SMOX: variants seen among roughly 807,000 people sequenced by gnomAD.
SMOX encodes spermine oxidase, also known as flavin containing amine oxidase.
SMOX carries 22 observed loss-of-function variants against 51.0 expected under a neutral mutation model. The observed-to-expected ratio is 0.43, with a 90% CI of 0.31 to 0.62. SMOX has a LOEUF of 0.62. Ranked by LOEUF, SMOX falls within the 20% of genes least tolerant of loss-of-function variation. The probability of loss-of-function intolerance (pLI) is 0.10; values close to 1 mark genes in which losing one functional copy is unlikely to be tolerated. For missense variants in SMOX, 566 were observed against 777.7 expected (o/e 0.73, Z 3.24); for synonymous variants, 282 against 307.8 (o/e 0.92, Z 0.88).
Position 4,178,316 on chromosome 20 carries a change from C to T in SMOX, c.435+739C>T, listed in dbSNP as rs868251854. Among the ~76,000 whole-genome samples the T allele has an allele frequency of 4.5e-4, 68 of 152,250 alleles. 1 individual carries two copies. Among genetic ancestry groups the T allele is most frequent in the African/African-American group, 1.5e-3 (62 of 41,536 alleles). On this transcript the variant is annotated intron_variant, in intron 3 of 6. Transcript: ENST00000305958. ...CCTCCCAAAGTGCTGGGATTATAGG[C>T]GTGAGCCACTGCACCCGGCCTAATT...
intron 1 of SMOX, among the ~76,000 whole-genome samples, chr20:4,152,960 C>T (rs866883058): frequency 4.6e-5 from 7 of 152,202 alleles, no homozygotes; most frequent in African/African-American, 1.2e-4. Context: ...TGCTTGAAAT[C>T]GGTCCACTCT....
intron 3 of SMOX, among the ~76,000 whole-genome samples, chr20:4,179,417 G>T (rs371600422): frequency 6.6e-6 from 1 of 152,162 alleles, no homozygotes. Context: ...GATGTTTTGA[G>T]TCAAAAGGAT....
At position 4,177,365 on chromosome 20, in the gene SMOX, G is replaced by A; in HGVS notation, c.223G>A (p.Glu75Lys). The change falls in exon 3 of 7, where the codon GAG (glutamate) becomes AAG (lysine). Residue 75 changes from glutamate (E) to lysine (K), a missense_variant. This residue lies in a region of SMOX where 217 missense variants were observed against 278.4 expected (regional missense o/e 0.78). Coordinates refer to ENST00000305958, the MANE Select transcript of SMOX (RefSeq NM_175839.3). The surrounding 1 kb of genome is among the most constrained non-coding windows in gnomAD (Gnocchi z 4.3). ...QSVKLGHATF[E>K]LGATWIHGSH... is the part of the protein sequence containing the mutation. ...GTCACCCTCAGGACACGCCACCTTT[G>A]AGCTGGGAGCCACCTGGATCCATGG... 1 of 1,552,458 alleles carries A rather than the reference G, an allele frequency of 6.4e-7. No individual in the cohort carries two copies. Among genetic ancestry groups the A allele is most frequent in the Non-Finnish European group, 8.7e-7 (1 of 1,147,400 alleles).
Position 4,149,481 on chromosome 20 carries a change from C to G in SMOX, c.-27+504C>G, listed in dbSNP as rs535423339. Among the ~76,000 whole-genome samples the G allele has an allele frequency of 1.3e-5, 2 of 152,102 alleles. No homozygotes were observed. Among genetic ancestry groups the G allele is most frequent in the Non-Finnish European group, 2.9e-5 (2 of 67,982 alleles). On this transcript the variant is annotated intron_variant, in intron 1 of 6. Coordinates refer to ENST00000305958, the MANE Select transcript of SMOX (RefSeq NM_175839.3). This position sits in a 1 kb window ranked among gnomAD's most constrained non-coding sequence, Gnocchi z 6.0. ...ACGCCAGGAGAGGCTGTGCTGACTT[C>G]CCCCTCTGGGCTCCGGGCGTCCGGG...
In SMOX at chr20:4,163,666, C is replaced by T. The variant is rs142287373; in HGVS notation, c.-26-11364C>T. Reference sequence around the variant, plus strand: ...AGGTTGCAGTCACAGTGTCAGCCAGCGCTGCAGTCATCTGAAGGGAGCAGG... The same window carrying T: ...AGGTTGCAGTCACAGTGTCAGCCAGTGCTGCAGTCATCTGAAGGGAGCAGG... On this transcript the variant is annotated intron_variant, in intron 1 of 6. Coordinates refer to ENST00000305958, the MANE Select transcript of SMOX (RefSeq NM_175839.3). Among the ~76,000 whole-genome samples, 16 of 152,292 alleles carry T rather than the reference C, an allele frequency of 1.1e-4. No homozygotes were observed. The East Asian group carries it at 1.9e-3, about 18-fold the overall frequency.
At position 4,170,642 on chromosome 20, in the gene SMOX, C is replaced by G. The variant is rs1986784393; in HGVS notation, c.-26-4388C>G. On this transcript the variant is annotated intron_variant, in intron 1 of 6. Transcript: ENST00000305958. This position sits in a 1 kb window ranked among gnomAD's most constrained non-coding sequence, Gnocchi z 4.6. ...TGGCAGTTCACACAAACTTTGGTGG[C>G]TCGTGCCCACTCTGGTCACCTGACC... is the stretch of plus-strand genomic sequence containing the variant. 6.6e-6 allele frequency among the ~76,000 whole-genome samples: 1 copy of G among 152,156 alleles called. No individual in the cohort carries two copies. Among genetic ancestry groups the G allele is most frequent in the Non-Finnish European group, 1.5e-5 (1 of 68,026 alleles).
At chr20:4,165,049 G>GTTTTTTTTTTTTTTT (rs781522050) in intron 1 of SMOX, among the ~76,000 whole-genome samples, 2 of 87,330 alleles carry the variant, frequency 2.3e-5, no homozygotes, top group Non-Finnish European at 4.4e-5. Flanking sequence ...TAGCTAAGTT[G>GTTTTTTTTTTTTTTT]TTTTTTTTTT....
At chr20:4,150,656 C>T (rs1985694783) in intron 1 of SMOX, among the ~76,000 whole-genome samples, 2 of 152,130 alleles carry the variant, frequency 1.3e-5, no homozygotes, top group African/African-American at 2.4e-5. Flanking sequence ...ACATCATTCT[C>T]ATGGTTTTAA....
rs1160922309 is a variant in SMOX, at chr20:4,181,959, A to T, written c.592A>T (p.Ile198Phe). Residue 198 changes from isoleucine to phenylalanine, a missense_variant, in exon 4 of 7, where the codon ATC becomes TTC. Ile to Phe is a conservative substitution (Grantham distance 21, BLOSUM62 0). Transcript: ENST00000305958. This position sits in a 1 kb window ranked among gnomAD's most constrained non-coding sequence, Gnocchi z 5.6. ...TACCAAGCGCCTGAAGCTCGCCATG[A>T]TCCAGCAGTACCTGAAGGTATCTTG... ...EATKRLKLAM[I>F]QQYLKVESCE... 1 of 1,614,054 alleles carries T rather than the reference A, an allele frequency of 6.2e-7. No homozygotes were observed. The highest frequency in any genetic ancestry group is 8.5e-7 in the Non-Finnish European group (1 of 1,180,010).
At position 4,187,388 on chromosome 20, in the gene SMOX, T is replaced by A. The variant is rs1428773426; in HGVS notation, c.1649T>A (p.Leu550His). 3 of 1,613,946 alleles carry A rather than the reference T, an allele frequency of 1.9e-6. No individual in the cohort carries two copies. The South Asian group carries it at 3.3e-5, about 18-fold the overall frequency. The change falls in exon 7 of 7, where the codon CTC becomes CAC. Residue 550 changes from leucine (L) to histidine (H), a missense_variant. Around this residue, in one of 3 missense-constraint regions of SMOX, gnomAD observed 347 missense variants for 481.8 expected, o/e 0.72. Coordinates refer to ENST00000305958, the MANE Select transcript of SMOX (RefSeq NM_175839.3). This position sits in a 1 kb window ranked among gnomAD's most constrained non-coding sequence, Gnocchi z 4.8. ...CGCCTCATTGAGATGTACCGAGACC[T>A]CTTCCAGCAGGGGACCTGAGGGCTG... ...AARLIEMYRD[L>H]FQQGT
intron 1 of SMOX, chr20:4,171,846 A>C (rs372644113): frequency 6.6e-6 from 1 of 152,224 alleles, no homozygotes. Context: ...GAGGCCCTTG[A>C]AAATGTTGAC....
At chr20:4,185,334 G>C (rs1979649868) in intron 6 of SMOX, among the ~76,000 whole-genome samples, 1 of 152,158 alleles carries the variant, frequency 6.6e-6, no homozygotes. Context: ...CTCCTTGGTG[G>C]TGGGATTACA....
At position 4,149,194 on chromosome 20, in the gene SMOX, C is replaced by T. The variant is rs974530764; in HGVS notation, c.-27+217C>T. On this transcript the variant is annotated intron_variant, in intron 1 of 6. Coordinates refer to ENST00000305958, the MANE Select transcript of SMOX (RefSeq NM_175839.3). This position sits in a 1 kb window ranked among gnomAD's most constrained non-coding sequence, Gnocchi z 6.0. ...CGGGGAGCAGGGGGCGCCGCGCCCCCCTGGCTTCCGCCGGGGTAAGCAGTG... is the reference window on the plus strand; with the variant it reads ...CGGGGAGCAGGGGGCGCCGCGCCCCTCTGGCTTCCGCCGGGGTAAGCAGTG... 1.1e-4 allele frequency among the ~76,000 whole-genome samples: 17 copies of T among 149,996 alleles called. No homozygotes were observed. The highest frequency in any genetic ancestry group is 6.6e-4 in the Admixed American group (10 of 15,118).
intron 1 of SMOX, among the ~76,000 whole-genome samples, chr20:4,154,606 A>G (rs978418102): frequency 2.0e-5 from 3 of 152,010 alleles, no homozygotes; most frequent in Non-Finnish European, 4.4e-5. Flanking sequence ...CAAGTGACCC[A>G]CCTGCCTCAG....
Position 4,153,415 on chromosome 20 carries a change from G to C in SMOX, c.-27+4438G>C, listed in dbSNP as rs1357356360. ...TGAAAGGAGGAAAGGCTTCCCCTGG[G>C]ATGCCAGGCTGAGGAACTGGGCCAG... On this transcript the variant is annotated intron_variant, in intron 1 of 6. Coordinates refer to ENST00000305958, the MANE Select transcript of SMOX (RefSeq NM_175839.3). This position sits in a 1 kb window ranked among gnomAD's most constrained non-coding sequence, Gnocchi z 4.4. Among the ~76,000 whole-genome samples, 1 of 152,166 alleles carries C rather than the reference G, an allele frequency of 6.6e-6. No homozygotes were observed. The highest frequency in any genetic ancestry group is 6.5e-5 in the Admixed American group (1 of 15,272).
chr20:4,179,020 A>G (rs1979117837), intron 3 of SMOX, among the ~76,000 whole-genome samples: 1 of 152,148 alleles, frequency 6.6e-6, no homozygotes, highest in African/African-American at 2.4e-5. Flanking sequence ...ATGAGAAAGG[A>G]GACATGACCC....
At chr20:4,155,183 T>C (rs979391581) in intron 1 of SMOX, among the ~76,000 whole-genome samples, 3 of 151,780 alleles carry the variant, frequency 2.0e-5, no homozygotes, top group African/African-American at 2.4e-5. Flanking sequence ...GGCCGAGAGA[T>C]TGGGGAAACA....
intron 6 of SMOX, among the ~76,000 whole-genome samples, chr20:4,184,772 A>G (rs1295414656): frequency 2.0e-5 from 3 of 152,222 alleles, no homozygotes; most frequent in African/African-American, 7.2e-5. Flanking sequence ...CTAAAAAGCA[A>G]ATCTTCTCTT....
Position 4,183,246 on chromosome 20 carries a change from CAT to C in SMOX, c.1370-247_1370-246del. 3.4e-6 allele frequency: 2 copies of C among 595,668 alleles called. No homozygotes were observed. Among genetic ancestry groups the C allele is most frequent in the East Asian group, 2.9e-5 (1 of 34,756 alleles). 36.9% of individuals were successfully genotyped at this position (595,668 alleles called of 1,614,324 possible). On this transcript the variant is annotated intron_variant, in intron 5 of 6. Coordinates refer to ENST00000305958, the MANE Select transcript of SMOX (RefSeq NM_175839.3). This position sits in a 1 kb window ranked among gnomAD's most constrained non-coding sequence, Gnocchi z 4.3. Reference sequence around the variant, plus strand: ...TAGGCGGGGAAACATGATTATGTGTCATGTGTTTTCAGATAGATAGGAAAAGT... The same window carrying C: ...TAGGCGGGGAAACATGATTATGTGTCGTGTTTTCAGATAGATAGGAAAAGT...
Sources: gnomAD v4.1 joint callset for allele counts (sites outside exome capture counted in the v4.1 genomes callset) on GRCh38, gnomAD v4.1.1 for gene constraint, gnomAD v4.1.1 regional missense constraint, Gnocchi (gnomAD v3.1) non-coding constraint, MANE v1.5 for transcripts, NCBI Gene and HGNC (gene_info 2026-07-23, HGNC 2026-07-21) for gene names.